SYT15B: variants seen among roughly 807,000 people sequenced by gnomAD.
SYT15B encodes the protein synaptotagmin 15B.
At chr10:47,750,986 GAGTA>G in the SYT15B span, 2 of 143,988 alleles carry the variant, frequency 1.4e-5, no homozygotes, top group East Asian at 2.3e-4. Flanking sequence ...AAAAGGTGCA[GAGTA>G]AGTATTTGAG....
the SYT15B span, among the ~76,000 whole-genome samples, chr10:47,762,079 T>C: frequency 1.6e-5 from 2 of 126,684 alleles, no homozygotes; most frequent in African/African-American, 2.9e-5. Flanking sequence ...ACCTTCCCCC[T>C]GGTCTGCAAT....
At chr10:47,755,525 G>A in the SYT15B span, among the ~76,000 whole-genome samples, 3 of 148,340 alleles carry the variant, frequency 2.0e-5, no homozygotes, top group African/African-American at 7.5e-5. Context: ...AAAGTGCTGG[G>A]ATTACAGGTG....
At chr10:47,746,631 T>C in the SYT15B span, among the ~76,000 whole-genome samples, 1 of 120,174 alleles carries the variant, frequency 8.3e-6, no homozygotes, top group Non-Finnish European at 1.7e-5. Flanking sequence ...TGAGCTGAGA[T>C]GGCGCCACTG....
the SYT15B span, among the ~76,000 whole-genome samples, chr10:47,749,490 A>G: frequency 6.9e-6 from 1 of 145,090 alleles, no homozygotes; most frequent in Admixed American, 6.9e-5. Flanking sequence ...ATGAGTAATA[A>G]TAATATACAT....
the SYT15B span, among the ~76,000 whole-genome samples, chr10:47,761,085 A>AAC: frequency 1.3e-3 from 155 of 120,744 alleles, no homozygotes; most frequent in South Asian, 4.6e-3. Context: ...CATACCAGGC[A>AAC]ACACACACAC....
At chr10:47,761,079 C>G in the SYT15B span, 16 of 623,368 alleles carry the variant, frequency 2.6e-5, 1 homozygote, top group Non-Finnish European at 2.2e-5. Context: ...TGGGCCCATA[C>G]CAGGCAACAC....
chr10:47,746,665 T>G, the SYT15B span, among the ~76,000 whole-genome samples: 3 of 130,248 alleles, frequency 2.3e-5, no homozygotes, highest in Non-Finnish European at 3.3e-5. Flanking sequence ...GCAACAAGAG[T>G]GAAACCCTAA....
chr10:47,756,643 C>T, the SYT15B span, among the ~76,000 whole-genome samples: 3 of 152,282 alleles, frequency 2.0e-5, no homozygotes, highest in Non-Finnish European at 4.4e-5. Flanking sequence ...GCCTGGCTTA[C>T]GGTGACCCCA....
chr10:47,763,285 G>A, the SYT15B span: 1 of 983,836 alleles, frequency 1.0e-6, no homozygotes, highest in Non-Finnish European at 1.2e-6. Context: ...AACCGGTCGA[G>A]AGCGCAATTC....
At chr10:47,761,068 C>T in the SYT15B span, 13 of 610,790 alleles carry the variant, frequency 2.1e-5, no homozygotes, top group Non-Finnish European at 3.1e-5. Flanking sequence ...GCACCATTTT[C>T]TGGGCCCATA....
At chr10:47,745,421 G>A in the SYT15B span, among the ~76,000 whole-genome samples, 1 of 150,178 alleles carries the variant, frequency 6.7e-6, no homozygotes, top group Admixed American at 6.7e-5. Context: ...GAGGCACTCA[G>A]ATGAGACTAG....
chr10:47,745,033 C>T, the SYT15B span, among the ~76,000 whole-genome samples: 6 of 151,846 alleles, frequency 4.0e-5, no homozygotes, highest in African/African-American at 1.5e-4. Context: ...CATTTGGCTC[C>T]AGGCATTGGG....
At chr10:47,751,070 T>C in the SYT15B span, 1 of 150,876 alleles carries the variant, frequency 6.6e-6, no homozygotes, top group African/African-American at 2.4e-5. Context: ...AATGAGTACA[T>C]TAAAAATCCT....
the SYT15B span, among the ~76,000 whole-genome samples, chr10:47,749,060 C>T: frequency 1.3e-5 from 1 of 77,806 alleles, no homozygotes; most frequent in African/African-American, 4.9e-5. Context: ...TGGTGAAATC[C>T]CTTCTCTACA....
the SYT15B span, among the ~76,000 whole-genome samples, chr10:47,756,694 T>A: frequency 6.6e-6 from 1 of 152,308 alleles, no homozygotes; most frequent in African/African-American, 2.4e-5. Context: ...ACCACCTCAC[T>A]GGGATGGGTG....
At chr10:47,750,086 T>C in the SYT15B span, among the ~76,000 whole-genome samples, 2 of 151,666 alleles carry the variant, frequency 1.3e-5, no homozygotes, top group Non-Finnish European at 1.5e-5. Context: ...AATAAACAAA[T>C]TCATAATAAC....
the SYT15B span, among the ~76,000 whole-genome samples, chr10:47,762,156 C>G: frequency 6.7e-6 from 1 of 150,220 alleles, no homozygotes; most frequent in Non-Finnish European, 1.5e-5. Context: ...CACCCGCTCC[C>G]TCCCCTAGCC....
the SYT15B span, among the ~76,000 whole-genome samples, chr10:47,755,221 C>G: frequency 4.6e-5 from 7 of 151,430 alleles, no homozygotes; most frequent in Non-Finnish European, 7.4e-5. Context: ...TCCCAAAGTG[C>G]TAGGATTATA....
chr10:47,756,813 G>A, the SYT15B span, among the ~76,000 whole-genome samples: 19 of 143,456 alleles, frequency 1.3e-4, no homozygotes, highest in African/African-American at 4.4e-4. Flanking sequence ...CCATTGAGTC[G>A]GGGGCTCTTC....
Sources: gnomAD v4.1 joint callset for allele counts (sites outside exome capture counted in the v4.1 genomes callset) on GRCh38, gnomAD v4.1.1 for gene constraint, MANE v1.5 for transcripts, NCBI Gene and HGNC (gene_info 2026-07-23, HGNC 2026-07-21) for gene names.